Variants in KCNB2 observed in about 807,000 individuals in gnomAD.
KCNB2 encodes the protein potassium voltage-gated channel subfamily B member 2, also known as delayed rectifier potassium channel protein.
In KCNB2, 15 loss-of-function variants were observed where a neutral mutation model predicts 61.5. The observed-to-expected ratio is 0.24, with a 90% CI of 0.16 to 0.38. KCNB2 has a LOEUF of 0.38. Among genes scored for constraint, KCNB2 ranks in the 10% least tolerant of loss-of-function variants. The pLI is 1.00. For synonymous variants in KCNB2, 457 were observed against 446.0 expected, an observed-to-expected ratio of 1.02 and a Z score of -0.31; for missense variants, 828 against 1,125.2, an observed-to-expected ratio of 0.74 and a Z score of 3.78.
intron 2 of KCNB2, among the ~76,000 whole-genome samples, chr8:72,745,800 C>T (rs1457287480): frequency 6.6e-6 from 1 of 151,932 alleles, no homozygotes; most frequent in African/African-American, 2.4e-5. Flanking sequence ...ACCCTTTAAT[C>T]ACATAGTTGG....
chr8:72,811,255 C>T (rs896770549), intron 2 of KCNB2, among the ~76,000 whole-genome samples: 2 of 147,956 alleles, frequency 1.4e-5, no homozygotes, highest in African/African-American at 5.2e-5. Flanking sequence ...TCTTCTACAA[C>T]ATATATGGTT....
At chr8:72,924,821 A>C (rs1351543) in intron 2 of KCNB2, among the ~76,000 whole-genome samples, 4 of 152,028 alleles carry the variant, frequency 2.6e-5, no homozygotes, top group Non-Finnish European at 5.9e-5. Context: ...AACACCTGTC[A>C]TGCTTGCAAC....
chr8:72,693,498 G>T (rs145137595), intron 2 of KCNB2, among the ~76,000 whole-genome samples: 1 of 152,088 alleles, frequency 6.6e-6, no homozygotes, highest in East Asian at 1.9e-4. Flanking sequence ...CAACCTGCAC[G>T]TCCACCTCAC....
chr8:72,917,050 T>A (rs1806415100), intron 2 of KCNB2, among the ~76,000 whole-genome samples: 1 of 152,218 alleles, frequency 6.6e-6, no homozygotes, highest in Non-Finnish European at 1.5e-5. Context: ...CTTTTGGGCT[T>A]GAGGGTCCCT....
intron 2 of KCNB2, among the ~76,000 whole-genome samples, chr8:72,758,271 T>A (rs1808323417): frequency 6.6e-6 from 1 of 152,110 alleles, no homozygotes; most frequent in Non-Finnish European, 1.5e-5. Flanking sequence ...ACTAGCAATA[T>A]GTAGTGGCAT....
intron 2 of KCNB2, among the ~76,000 whole-genome samples, chr8:72,577,305 ATG>A (rs35626904): frequency 3.3e-5 from 5 of 150,282 alleles, no homozygotes; most frequent in African/African-American, 7.3e-5. Flanking sequence ...GTGTGTGTGT[ATG>A]TGTGTGTGTG....
At chr8:72,819,463 C>A (rs1809455968) in intron 2 of KCNB2, among the ~76,000 whole-genome samples, 1 of 152,110 alleles carries the variant, frequency 6.6e-6, no homozygotes. Flanking sequence ...GTAGGCTCAC[C>A]TTTGTTGTAG....
At chr8:72,735,493 C>A (rs932513631) in intron 2 of KCNB2, among the ~76,000 whole-genome samples, 2 of 152,120 alleles carry the variant, frequency 1.3e-5, no homozygotes, top group Non-Finnish European at 2.9e-5. Flanking sequence ...GATAATGTAA[C>A]AAGGTATTGT....
intron 2 of KCNB2, among the ~76,000 whole-genome samples, chr8:72,851,826 G>GGAAAAAAAAAAAAAAAAAA (rs1303050547): frequency 2.3e-5 from 1 of 43,868 alleles, no homozygotes; most frequent in Non-Finnish European, 3.9e-5. Flanking sequence ...GAAGCTGTAG[G>GGAAAAAAAAAAAAAAAAAA]AAAAAAAAAA....
At chr8:72,866,233 A>G (rs1805515900) in intron 2 of KCNB2, among the ~76,000 whole-genome samples, 2 of 152,156 alleles carry the variant, frequency 1.3e-5, no homozygotes, top group African/African-American at 4.8e-5. Flanking sequence ...GCTCTTCCCA[A>G]TGTGTGTGTG....
chr8:72,543,645 A>G (rs1806221733), intron 1 of KCNB2, among the ~76,000 whole-genome samples: 2 of 152,214 alleles, frequency 1.3e-5, no homozygotes, highest in African/African-American at 4.8e-5. Flanking sequence ...AAAACATGCT[A>G]TGAACAATAG....
intron 2 of KCNB2, among the ~76,000 whole-genome samples, chr8:72,589,157 AT>A (rs1807047657): frequency 6.6e-6 from 1 of 152,178 alleles, no homozygotes; most frequent in African/African-American, 2.4e-5. Flanking sequence ...TTTATTTCTT[AT>A]AGACCAAAAC....
intron 2 of KCNB2, among the ~76,000 whole-genome samples, chr8:72,666,923 G>A (rs1289089982): frequency 6.6e-6 from 1 of 151,460 alleles, no homozygotes; most frequent in Non-Finnish European, 1.5e-5. Flanking sequence ...TAACACTGAA[G>A]TAGAATAAAA....
At chr8:72,612,567 T>C (rs1027985340) in intron 2 of KCNB2, among the ~76,000 whole-genome samples, 1 of 152,190 alleles carries the variant, frequency 6.6e-6, no homozygotes, top group Admixed American at 6.5e-5. Flanking sequence ...TAGAAACACT[T>C]GCCCCTGAAA....
intron 2 of KCNB2, among the ~76,000 whole-genome samples, chr8:72,769,393 C>T (rs572354994): frequency 2.8e-4 from 43 of 152,164 alleles, no homozygotes; most frequent in Non-Finnish European, 5.1e-4. Flanking sequence ...AATTTCTATC[C>T]AGTCTCTCAG....
At chr8:72,549,989 G>T (rs1806319414) in intron 1 of KCNB2, among the ~76,000 whole-genome samples, 2 of 152,160 alleles carry the variant, frequency 1.3e-5, no homozygotes, top group Admixed American at 6.5e-5. Flanking sequence ...TGTCTCACTG[G>T]GGCCCAGGTA....
chr8:72,655,814 TG>T (rs1806282229), intron 2 of KCNB2, among the ~76,000 whole-genome samples: 1 of 152,154 alleles, frequency 6.6e-6, no homozygotes, highest in Non-Finnish European at 1.5e-5. Flanking sequence ...TACATCTACC[TG>T]AGACTCAGTC....
intron 2 of KCNB2, among the ~76,000 whole-genome samples, chr8:72,789,662 G>A (rs1235916305): frequency 6.6e-6 from 1 of 152,066 alleles, no homozygotes; most frequent in African/African-American, 2.4e-5. Context: ...AGACATCAGG[G>A]GACCCTGGAG....
At chr8:72,561,760 TGG>T (rs200813773) in intron 1 of KCNB2, among the ~76,000 whole-genome samples, 6,130 of 25,402 alleles carry the variant, frequency 0.24, 1,121 homozygotes, top group East Asian at 0.33. Flanking sequence ...TATATATATA[TGG>T]ATATATATAT....
Sources: gnomAD v4.1 joint callset for allele counts (sites outside exome capture counted in the v4.1 genomes callset) on GRCh38, gnomAD v4.1.1 for gene constraint, MANE v1.5 for transcripts, NCBI Gene and HGNC (gene_info 2026-07-23, HGNC 2026-07-21) for gene names.